Variants in OGFRL1 observed in about 807,000 individuals in gnomAD.
OGFRL1 encodes the protein opioid growth factor receptor-like protein 1.
Under a neutral mutation model 32.4 loss-of-function variants are expected in OGFRL1, and 26 were observed. That is an observed-to-expected ratio of 0.80 (90% confidence interval 0.59 to 1.11). OGFRL1 has a LOEUF of 1.11. Ranked by LOEUF, OGFRL1 falls within the 50% of genes most tolerant of loss-of-function variation. The pLI, the probability that OGFRL1 is intolerant of heterozygous loss-of-function variation, is 0.00. For missense variants in OGFRL1, 521 were observed against 546.4 expected (o/e 0.95, Z 0.46); for synonymous variants, 211 against 201.2 (o/e 1.05, Z -0.41).
At position 71,301,591 on chromosome 6, in the gene OGFRL1, G is replaced by T. The variant is rs757418904; in HGVS notation, c.898G>T (p.Ala300Ser). Reference protein sequence around the residue: ...RRERRKLLRFAQKHYTPSENF... With the variant: ...RRERRKLLRFSQKHYTPSENF... ...AGAAAGGAGAAAGCTCCTGCGGTTCGCCCAGAAACACTACACGCCTTCAGA... is the reference window on the plus strand; with the variant it reads ...AGAAAGGAGAAAGCTCCTGCGGTTCTCCCAGAAACACTACACGCCTTCAGA... Residue 300 changes from alanine (A) to serine (S), a missense_variant, in exon 7 of 7, where the codon GCC becomes TCC. Physicochemically the swap from Ala to Ser is moderately conservative, Grantham distance 99. Transcript: ENST00000370435. The T allele has an allele frequency of 6.2e-7, 1 of 1,614,092 alleles. No individual in the cohort carries two copies.
At position 71,288,826 on chromosome 6, in the gene OGFRL1, C is replaced by T; in HGVS notation, c.-111C>T. On this transcript the variant is annotated 5_prime_UTR_variant, in exon 1 of 7. Coordinates refer to ENST00000370435, the MANE Select transcript of OGFRL1 (RefSeq NM_024576.5). ...GCGCTGAGGCAGTGCGGGGCGGGCG[C>T]GCCTAGGCTGCCGCCCAGCGCCCTC... is the stretch of plus-strand genomic sequence containing the variant. The T allele has an allele frequency of 5.1e-6, 4 of 784,848 alleles. No individual in the cohort carries two copies. The highest frequency in any genetic ancestry group is 6.2e-6 in the Non-Finnish European group (4 of 641,338). 48.6% of individuals were successfully genotyped at this position (784,848 alleles called of 1,614,324 possible).
At chr6:71,298,184 C>G (rs919256045) in intron 6 of OGFRL1, among the ~76,000 whole-genome samples, 1 of 151,956 alleles carries the variant, frequency 6.6e-6, no homozygotes, top group African/African-American at 2.4e-5. Context: ...TAACTCATAA[C>G]TCAAATTTGA....
In OGFRL1 at chr6:71,306,344, C is replaced by T. The variant is rs1561955585; in HGVS notation, c.*4295C>T. On this transcript the variant is annotated 3_prime_UTR_variant, in exon 7 of 7. Transcript: ENST00000370435. ...ATCTCTAGGGTGACAGTGAGTACTA[C>T]CCTGCTCCTTCTGCATTCTAGTTAT... The T allele has an allele frequency of 6.6e-6, 1 of 152,094 alleles. No individual in the cohort carries two copies. The highest frequency in any genetic ancestry group is 1.5e-5 in the Non-Finnish European group (1 of 68,030). The allele number at this position is 152,094 out of a possible 1,614,324, so 9.4% of individuals were successfully genotyped here.
chr6:71,307,615 C>T lies in OGFRL1; in HGVS notation c.*5566C>T, dbSNP rs2149359944. On this transcript the variant is annotated 3_prime_UTR_variant, in exon 7 of 7. Transcript: ENST00000370435. ...AAGGCAGTAGTGGTCACTTACTGTG[C>T]TAAAATACCTTTTTCTCTAAAAATA... The T allele has an allele frequency of 6.6e-6, 1 of 152,078 alleles. No individual in the cohort carries two copies. The highest frequency in any genetic ancestry group is 1.9e-4 in the East Asian group (1 of 5,170). The allele number at this position is 152,078 out of a possible 1,614,324, so 9.4% of individuals were successfully genotyped here. A position where few individuals can be genotyped will look rare whatever the true frequency, so the allele number is the denominator to read the frequency against.
At chr6:71,297,924 GGTAT>G (rs1198756435) in intron 6 of OGFRL1, among the ~76,000 whole-genome samples, 1 of 150,890 alleles carries the variant, frequency 6.6e-6, no homozygotes, top group Non-Finnish European at 1.5e-5. Context: ...TTTAGCATTA[GGTAT>G]ATCTCCTAAT....
chr6:71,300,374 A>C (rs906713370), intron 6 of OGFRL1, among the ~76,000 whole-genome samples: 3 of 152,196 alleles, frequency 2.0e-5, no homozygotes, highest in Non-Finnish European at 4.4e-5. Flanking sequence ...AGATTTGGAA[A>C]ACATTCATCC....
intron 4 of OGFRL1, 30 bp from the exon 5 acceptor site, chr6:71,296,465 A>G (rs1420333648): frequency 6.3e-7 from 1 of 1,594,502 alleles, no homozygotes; most frequent in African/African-American, 1.4e-5. Flanking sequence ...CAACGTTAAT[A>G]GAAAAATTTT....
chr6:71,298,980 TA>T (rs761576435), intron 6 of OGFRL1, among the ~76,000 whole-genome samples: 5 of 152,058 alleles, frequency 3.3e-5, no homozygotes, highest in Admixed American at 1.3e-4. Context: ...TAAAATAAAA[TA>T]ACATTGAGTG....
intron 1 of OGFRL1, chr6:71,289,548 TAAAA>T (rs1158690810): frequency 0.034 from 18,020 of 535,710 alleles, 1 homozygote; most frequent in Non-Finnish European, 0.035. Flanking sequence ...GTGTTATTGG[TAAAA>T]AAAAAAAAAA....
chr6:71,293,685 T>G (rs1766118567), intron 3 of OGFRL1, 74 bp downstream of exon 3: 1 of 1,072,074 alleles, frequency 9.3e-7, no homozygotes. Flanking sequence ...TTTTGTGGTT[T>G]GTTTCATTGA....
At chr6:71,293,191 T>C in intron 1 of OGFRL1, 102 bp from the exon 2 acceptor site, 1 of 881,008 alleles carries the variant, frequency 1.1e-6, no homozygotes, top group Non-Finnish European at 1.8e-6. Flanking sequence ...GATTGACAAT[T>C]TTCAGGCTTT....
intron 6 of OGFRL1, among the ~76,000 whole-genome samples, chr6:71,299,327 T>C (rs1366581319): frequency 6.6e-6 from 1 of 152,198 alleles, no homozygotes; most frequent in Admixed American, 6.5e-5. Context: ...TTCTATACCA[T>C]TTAGTCTTTC....
rs150800900 is a variant in OGFRL1, at chr6:71,293,577, T to G, written c.366T>G (p.Arg122=). Residue 122 remains arginine (R), a synonymous_variant, in exon 3 of 7, where the codon CGT becomes CGG. Coordinates refer to ENST00000370435, the MANE Select transcript of OGFRL1 (RefSeq NM_024576.5). ...IRYQNDLSNL[R]FYKNKIPFKP... ...ATCAAAATGACTTGAGCAATCTTCGTTTTTATAAGAATAAAATTCCATTCA... is the reference window on the plus strand; with the variant it reads ...ATCAAAATGACTTGAGCAATCTTCGGTTTTATAAGAATAAAATTCCATTCA... 16 of 1,612,682 alleles carry G rather than the reference T, an allele frequency of 9.9e-6. No individual in the cohort carries two copies. In the African/African-American group the frequency reaches 2.0e-4, roughly 20 times the overall value.
At chr6:71,299,993 T>C (rs1462186109) in intron 6 of OGFRL1, among the ~76,000 whole-genome samples, 1 of 152,222 alleles carries the variant, frequency 6.6e-6, no homozygotes, top group Non-Finnish European at 1.5e-5. Context: ...AACTTTCTCA[T>C]TGAAACATAA....
Position 71,296,777 on chromosome 6 carries a change from C to G in OGFRL1, c.652C>G (p.Arg218Gly). The change falls in exon 6 of 7, where the codon CGG (arginine) becomes GGG (glycine). Residue 218 changes from arginine to glycine, a missense_variant. Transcript: ENST00000370435. The part of the protein sequence containing the change: ...KLTDKTGNVA[R>G]AVNWQERFQH... ...GACTGATAAAACTGGAAATGTTGCTCGGGCTGTTAACTGGCAGGAAAGATT... is the reference window on the plus strand; with the variant it reads ...GACTGATAAAACTGGAAATGTTGCTGGGGCTGTTAACTGGCAGGAAAGATT... 1 of 1,613,338 alleles carries G rather than the reference C, an allele frequency of 6.2e-7. No individual in the cohort carries two copies. The highest frequency in any genetic ancestry group is 8.5e-7 in the Non-Finnish European group (1 of 1,179,576).
Position 71,305,016 on chromosome 6 carries a change from T to C in OGFRL1, c.*2967T>C, listed in dbSNP as rs533588512. Reference sequence around the variant, plus strand: ...GAAACAGTGCTCTGGGTTTGACTCCTATGTTTTGTAATTTTAAAAACTACG... The same window carrying C: ...GAAACAGTGCTCTGGGTTTGACTCCCATGTTTTGTAATTTTAAAAACTACG... On this transcript the variant is annotated 3_prime_UTR_variant, in exon 7 of 7. Transcript: ENST00000370435. 6 of 152,220 alleles carry C rather than the reference T, an allele frequency of 3.9e-5. No individual in the cohort carries two copies. The South Asian group carries it at 1.2e-3, about 32-fold the overall frequency. The allele number at this position is 152,220 out of a possible 1,614,324, so 9.4% of individuals were successfully genotyped here. A position where few individuals can be genotyped will look rare whatever the true frequency, so the allele number is the denominator to read the frequency against.
Position 71,301,518 on chromosome 6 carries a change from T to C in OGFRL1, c.825T>C (p.Ile275=). ...EALVENTIPN[I]KQSALEYFVY... The stretch of plus-strand genomic sequence containing the variant: ...TTGTGGAGAATACTATTCCCAATAT[T>C]AAGCAGAGTGCTCTAGAGTATTTTG... The change falls in exon 7 of 7, where the codon ATT becomes ATC. Residue 275 remains isoleucine, a synonymous_variant. Transcript: ENST00000370435. The C allele has an allele frequency of 6.2e-7, 1 of 1,614,122 alleles. No individual in the cohort carries two copies. Among genetic ancestry groups the C allele is most frequent in the Non-Finnish European group, 8.5e-7 (1 of 1,180,030 alleles).
At position 71,289,648 on chromosome 6, in the gene OGFRL1, C is replaced by A. The variant is rs7756709; in HGVS notation, c.234+478C>A. 240 of 984,246 alleles carry A rather than the reference C, an allele frequency of 2.4e-4. No individual in the cohort carries two copies. The Middle Eastern group carries it at 3.7e-3, about 15-fold the overall frequency. The allele number at this position is 984,246 out of a possible 1,614,324, so 61.0% of individuals were successfully genotyped here. A position where few individuals can be genotyped will look rare whatever the true frequency, so the allele number is the denominator to read the frequency against. On this transcript the variant is annotated intron_variant, in intron 1 of 6. Coordinates refer to ENST00000370435, the MANE Select transcript of OGFRL1 (RefSeq NM_024576.5). ...CTCTCCCCTACAGTGGGGTCTAAGCCGTCAGAAGTGTAGGCCCTCATCTGA... is the reference window on the plus strand; with the variant it reads ...CTCTCCCCTACAGTGGGGTCTAAGCAGTCAGAAGTGTAGGCCCTCATCTGA...
At position 71,288,816 on chromosome 6, in the gene OGFRL1, G is replaced by C. The variant is rs1174250408; in HGVS notation, c.-121G>C. 8 of 674,922 alleles carry C rather than the reference G, an allele frequency of 1.2e-5. No homozygotes were observed. The highest frequency in any genetic ancestry group is 6.5e-5 in the South Asian group (1 of 15,500). 41.8% of individuals were successfully genotyped at this position (674,922 alleles called of 1,614,324 possible). ...GCCGCTCGCCGCGCTGAGGCAGTGC[G>C]GGGCGGGCGCGCCTAGGCTGCCGCC... On this transcript the variant is annotated 5_prime_UTR_variant, in exon 1 of 7. Transcript: ENST00000370435.
Sources: allele counts gnomAD v4.1 joint callset (sites outside exome capture counted in the v4.1 genomes callset), GRCh38; gene constraint gnomAD v4.1.1; transcripts MANE v1.5; gene names NCBI Gene and HGNC (gene_info 2026-07-23, HGNC 2026-07-21).